The following HECW1 variants were observed in gnomAD, a reference collection of about 807,000 sequenced individuals.
The protein encoded by HECW1 is HECT, C2 and WW domain containing E3 ubiquitin protein ligase 1.
HECW1 carries 61 observed loss-of-function variants against 182.3 expected under a neutral mutation model. That is an observed-to-expected ratio of 0.33 (90% CI 0.27 to 0.41). HECW1 has a LOEUF of 0.41. HECW1 is among the 10% of genes least tolerant of loss of function. The pLI, the probability that HECW1 is intolerant of heterozygous loss-of-function variation, is 1.00. For missense variants in HECW1, 1,739 were observed against 2,108.9 expected, an observed-to-expected ratio of 0.82 and a Z score of 3.44; for synonymous variants, 859 against 832.6, an observed-to-expected ratio of 1.03 and a Z score of -0.55.
In HECW1 at chr7:43,416,685, C is replaced by T. The variant is rs187969792; in HGVS notation, c.801+8954C>T. 2.9e-3 allele frequency among the ~76,000 whole-genome samples: 426 copies of T among 146,102 alleles called. 4 individuals are homozygous for T. The highest frequency in any genetic ancestry group is 9.6e-3 in the African/African-American group (384 of 39,832). ...GCTGTGCTAGCAATCAGCGAGATTC[C>T]GTGGGCGTAGGACCCTCCGAGACAG... On this transcript the variant is annotated intron_variant, in intron 8 of 29. Transcript: ENST00000395891.
intron 10 of HECW1, 66 bp downstream of exon 10, chr7:43,442,695 A>T (rs1452307410): frequency 9.5e-7 from 1 of 1,057,260 alleles, no homozygotes; most frequent in Non-Finnish European, 1.4e-6. Context: ...CCTTTTTCTA[A>T]AATACAATAA....
intron 24 of HECW1, among the ~76,000 whole-genome samples, chr7:43,517,174 A>T (rs905505727): frequency 2.0e-5 from 3 of 152,222 alleles, no homozygotes; most frequent in African/African-American, 7.2e-5. Context: ...GCTGTTAATC[A>T]GTTTCTCTGC....
intron 4 of HECW1, among the ~76,000 whole-genome samples, chr7:43,318,936 C>T (rs1257416169): frequency 6.6e-6 from 1 of 152,216 alleles, no homozygotes; most frequent in Non-Finnish European, 1.5e-5. Flanking sequence ...GAAGTGGAAA[C>T]TACAAGGGCT....
rs533343044 is a variant in HECW1 at position 43,442,511 on chromosome 7, G to T, written c.945-18G>T. On this transcript the variant is annotated intron_variant, in intron 9 of 29. Transcript: ENST00000395891. ...AGAGGTATTGACCAGAACTGTGATG[G>T]TGCTTATTTCCTTCTAGGGATAGGG... 7.7e-6 allele frequency: 12 copies of T among 1,567,170 alleles called. No individual in the cohort carries two copies. Among genetic ancestry groups the T allele is most frequent in the South Asian group, 5.6e-5 (5 of 89,556 alleles).
chr7:43,140,761 T>G (rs745666205), intron 2 of HECW1, among the ~76,000 whole-genome samples: 30 of 152,134 alleles, frequency 2.0e-4, no homozygotes, highest in Non-Finnish European at 4.1e-4. Flanking sequence ...AGCAGAAATT[T>G]ATTTTCTCTC....
chr7:43,334,410 G>C (rs575542493), intron 5 of HECW1, among the ~76,000 whole-genome samples: 12 of 152,300 alleles, frequency 7.9e-5, no homozygotes, highest in Middle Eastern at 3.4e-3. Flanking sequence ...AGATGTCTCT[G>C]TCTCATGTAT....
At chr7:43,349,368 T>C (rs1470567887) in intron 5 of HECW1, among the ~76,000 whole-genome samples, 1 of 152,210 alleles carries the variant, frequency 6.6e-6, no homozygotes, top group Non-Finnish European at 1.5e-5. Flanking sequence ...ATCTGTTAAG[T>C]GCATTTGTTC....
intron 3 of HECW1, among the ~76,000 whole-genome samples, chr7:43,309,263 T>C (rs1808191400): frequency 6.6e-6 from 1 of 151,886 alleles, no homozygotes; most frequent in South Asian, 2.1e-4. Context: ...TGCCTGCAAG[T>C]AGGAATGGGG....
chr7:43,243,894 T>C lies in HECW1; in HGVS notation c.-12T>C. The C allele has an allele frequency of 1.2e-6, 2 of 1,613,662 alleles. No individual in the cohort carries two copies. Among genetic ancestry groups the C allele is most frequent in the Non-Finnish European group, 1.7e-6 (2 of 1,179,558 alleles). On this transcript the variant is annotated 5_prime_UTR_variant, in exon 3 of 30. Transcript: ENST00000395891. The surrounding 1 kb of genome is among the most constrained non-coding windows in gnomAD (Gnocchi z 4.0). Reference sequence around the variant, plus strand: ...CCCCAGGAATTGATGCGCGTACACGTGGTGGGTCATTATGCTGCTGCACCT... The same window carrying C: ...CCCCAGGAATTGATGCGCGTACACGCGGTGGGTCATTATGCTGCTGCACCT...
In HECW1 at chr7:43,320,606, T is replaced by C. The variant is rs765334436; in HGVS notation, c.353-29T>C. ...TATGCTGTTGACTGATATGTTTCTC[T>C]GCTCTGCTTTCTTCCTCTGGGAATA... is the stretch of plus-strand genomic sequence containing the variant. On this transcript the variant is annotated intron_variant, in intron 4 of 29. Transcript: ENST00000395891. The C allele has an allele frequency of 4.1e-6, 6 of 1,452,494 alleles. No homozygotes were observed. The African/African-American group carries it at 5.6e-5, about 14-fold the overall frequency. The allele number at this position is 1,452,494 out of a possible 1,614,324, so 90.0% of individuals were successfully genotyped here.
intron 16 of HECW1, among the ~76,000 whole-genome samples, chr7:43,471,824 G>A (rs1170709937): frequency 6.6e-6 from 1 of 152,188 alleles, no homozygotes; most frequent in Non-Finnish European, 1.5e-5. Context: ...AGGGGCCTAG[G>A]AAGAGACACT....
chr7:43,244,330 C>T (rs963070033), intron 3 of HECW1, among the ~76,000 whole-genome samples: 1 of 152,204 alleles, frequency 6.6e-6, no homozygotes, highest in Non-Finnish European at 1.5e-5. Flanking sequence ...GCAACAGCTT[C>T]TCCTCCTGAC....
chr7:43,526,308 C>T (rs2080753283), intron 24 of HECW1, among the ~76,000 whole-genome samples: 1 of 152,194 alleles, frequency 6.6e-6, no homozygotes, highest in Non-Finnish European at 1.5e-5. Flanking sequence ...CTAACATCTT[C>T]CTGAAGCATA....
chr7:43,474,281 C>G (rs1036893489), intron 16 of HECW1, among the ~76,000 whole-genome samples: 1 of 152,050 alleles, frequency 6.6e-6, no homozygotes, highest in Admixed American at 6.6e-5. Context: ...AACCCCGTCT[C>G]TACTAAAAAT....
chr7:43,205,893 T>A (rs1795428646), intron 2 of HECW1, among the ~76,000 whole-genome samples: 2 of 152,112 alleles, frequency 1.3e-5, no homozygotes, highest in South Asian at 4.1e-4. Flanking sequence ...GGGGGCCCCC[T>A]ACACTGAGCA....
At chr7:43,308,128 ATATATAATATAT>A (rs1259515006) in intron 3 of HECW1, among the ~76,000 whole-genome samples, 4 of 104,754 alleles carry the variant, frequency 3.8e-5, no homozygotes, top group African/African-American at 1.6e-4. Context: ...TAATATATTT[ATATATAATATAT>A]TATATTATAT....
intron 2 of HECW1, among the ~76,000 whole-genome samples, chr7:43,157,084 A>C (rs553915297): frequency 6.6e-6 from 1 of 152,356 alleles, no homozygotes; most frequent in African/African-American, 2.4e-5. Context: ...AGTCAATACT[A>C]ATAAAATATG....
At chr7:43,293,878 C>T (rs917206727) in intron 3 of HECW1, among the ~76,000 whole-genome samples, 2 of 152,070 alleles carry the variant, frequency 1.3e-5, no homozygotes, top group Non-Finnish European at 2.9e-5. Context: ...CACCTGAGTG[C>T]CACCTCCCAT....
Position 43,563,666 on chromosome 7 carries a change from C to T in HECW1, c.*1740C>T. 5.6e-6 allele frequency: 1 copy of T among 177,136 alleles called. No individual in the cohort carries two copies. Among genetic ancestry groups the T allele is most frequent in the Non-Finnish European group, 1.2e-5 (1 of 82,362 alleles). 11.0% of individuals were successfully genotyped at this position (177,136 alleles called of 1,614,324 possible). Reference sequence around the variant, plus strand: ...GGGAGATCGCTTGAGGTCAGGAGTTCAAGACAAGCCTGGCCAACATGGTGA... The same window carrying T: ...GGGAGATCGCTTGAGGTCAGGAGTTTAAGACAAGCCTGGCCAACATGGTGA... On this transcript the variant is annotated 3_prime_UTR_variant, in exon 30 of 30. Transcript: ENST00000395891.
Sources: gnomAD v4.1 joint callset for allele counts (sites outside exome capture counted in the v4.1 genomes callset) on GRCh38, gnomAD v4.1.1 for gene constraint, Gnocchi (gnomAD v3.1) non-coding constraint, MANE v1.5 for transcripts, NCBI Gene and HGNC (gene_info 2026-07-23, HGNC 2026-07-21) for gene names.